The following CTNNA3 variants were observed in gnomAD, a reference collection of about 807,000 sequenced individuals.
The protein encoded by CTNNA3 is catenin alpha 3.
CTNNA3 carries 76 observed loss-of-function variants against 95.7 expected under a neutral mutation model. The ratio of observed to expected loss-of-function variants is 0.79; its 90% CI spans 0.66 to 0.96. The LOEUF (loss-of-function observed/expected upper bound fraction) is 0.96, where lower values mean the gene tolerates loss of function less well. Ranked by LOEUF, CTNNA3 falls within the 40% of genes least tolerant of loss-of-function variation. The pLI is 0.00. For synonymous variants in CTNNA3, 431 were observed against 374.4 expected, an observed-to-expected ratio of 1.15 and a Z score of -1.74; for missense variants, 1,191 against 1,089.8, an observed-to-expected ratio of 1.09 and a Z score of -1.31.
intron 11 of CTNNA3, among the ~76,000 whole-genome samples, chr10:66,433,331 G>A (rs1377638709): frequency 6.6e-6 from 1 of 152,054 alleles, no homozygotes; most frequent in Non-Finnish European, 1.5e-5. Flanking sequence ...ACTTTTTAAT[G>A]ATTGCCATTC....
At chr10:67,438,604 ACCT>A (rs767097609) in intron 5 of CTNNA3, among the ~76,000 whole-genome samples, 47 of 152,322 alleles carry the variant, frequency 3.1e-4, no homozygotes, top group Middle Eastern at 3.4e-3. Context: ...CAATCACAGC[ACCT>A]GGTTTTAACT....
chr10:67,695,130 T>G (rs1330193811), intron 1 of CTNNA3, among the ~76,000 whole-genome samples: 2 of 152,218 alleles, frequency 1.3e-5, no homozygotes, highest in African/African-American at 4.8e-5. Context: ...TCTAAAAAGC[T>G]AGCCACAAAC....
intron 5 of CTNNA3, among the ~76,000 whole-genome samples, chr10:67,428,371 G>A (rs1166875186): frequency 2.0e-4 from 30 of 152,048 alleles, no homozygotes; most frequent in Non-Finnish European, 2.6e-4. Flanking sequence ...TTGAAGACAC[G>A]TAAATGAACA....
chr10:67,146,625 C>T (rs115054012), intron 7 of CTNNA3, among the ~76,000 whole-genome samples: 1 of 152,142 alleles, frequency 6.6e-6, no homozygotes, highest in Non-Finnish European at 1.5e-5. Context: ...AAGGTAAGTA[C>T]AGGATTGGTG....
At chr10:67,437,598 G>A (rs1466078784) in intron 5 of CTNNA3, among the ~76,000 whole-genome samples, 1 of 151,726 alleles carries the variant, frequency 6.6e-6, no homozygotes, top group East Asian at 1.9e-4. Context: ...TATGTAACTG[G>A]CCATTTGAGT....
chr10:67,105,005 C>T (rs1017844290), intron 7 of CTNNA3, among the ~76,000 whole-genome samples: 2 of 151,892 alleles, frequency 1.3e-5, no homozygotes, highest in Non-Finnish European at 2.9e-5. Flanking sequence ...CTCCTGGTAT[C>T]TGGGTTGAAG....
At chr10:67,500,345 T>C (rs1186642991) in intron 5 of CTNNA3, among the ~76,000 whole-genome samples, 3 of 152,230 alleles carry the variant, frequency 2.0e-5, no homozygotes, top group Non-Finnish European at 4.4e-5. Context: ...GTGTTTTACT[T>C]CCAATTATGT....
At chr10:67,067,524 A>T (rs1012857939) in intron 7 of CTNNA3, among the ~76,000 whole-genome samples, 7 of 152,234 alleles carry the variant, frequency 4.6e-5, no homozygotes, top group Non-Finnish European at 2.9e-5. Flanking sequence ...ATATGTGCAT[A>T]AAAATGCTGA....
intron 12 of CTNNA3, among the ~76,000 whole-genome samples, chr10:66,323,125 G>A (rs974368486): frequency 6.6e-5 from 10 of 151,778 alleles, no homozygotes; most frequent in Admixed American, 1.3e-4. Flanking sequence ...CCACATTACG[G>A]GGTCCCTTTT....
intron 13 of CTNNA3, among the ~76,000 whole-genome samples, chr10:66,144,049 A>T (rs1485864457): frequency 6.6e-6 from 1 of 152,176 alleles, no homozygotes; most frequent in Non-Finnish European, 1.5e-5. Flanking sequence ...GCCCTGATAG[A>T]ATTCTATTTT....
rs183591663 is a variant in CTNNA3 at position 67,475,706 on chromosome 10, T to C, written c.579+46136A>G. Among the ~76,000 whole-genome samples, 1,263 of 152,356 alleles carry C rather than the reference T, an allele frequency of 8.3e-3. 12 individuals carry two copies. Among genetic ancestry groups the C allele is most frequent in the Non-Finnish European group, 0.014 (961 of 68,038 alleles). On this transcript the variant is annotated intron_variant, in intron 5 of 17. Coordinates refer to ENST00000433211, the MANE Select transcript of CTNNA3 (RefSeq NM_013266.4). Reference sequence around the variant, plus strand: ...CTCTTAATTTCAAAGATTTCTGTAATTTTGATTATTCATTATCATGACTTT... The same window carrying C: ...CTCTTAATTTCAAAGATTTCTGTAACTTTGATTATTCATTATCATGACTTT...
At chr10:66,206,130 T>C (rs926056695) in intron 13 of CTNNA3, among the ~76,000 whole-genome samples, 1 of 151,944 alleles carries the variant, frequency 6.6e-6, no homozygotes, top group African/African-American at 2.4e-5. Flanking sequence ...TTACTAGGTG[T>C]GCTCTAAATT....
At chr10:66,642,426 C>T (rs1207196473) in intron 9 of CTNNA3, among the ~76,000 whole-genome samples, 2 of 152,082 alleles carry the variant, frequency 1.3e-5, no homozygotes, top group East Asian at 3.9e-4. Flanking sequence ...TCACCCTACA[C>T]ACCAGTTGTG....
intron 7 of CTNNA3, among the ~76,000 whole-genome samples, chr10:66,894,148 T>C (rs146239489): frequency 1.2e-3 from 176 of 152,224 alleles, no homozygotes; most frequent in African/African-American, 4.1e-3. Context: ...TGGTGTCACA[T>C]GTTCTCAAAA....
At chr10:66,483,887 A>G (rs1048872142) in intron 11 of CTNNA3, among the ~76,000 whole-genome samples, 1 of 152,158 alleles carries the variant, frequency 6.6e-6, no homozygotes, top group Non-Finnish European at 1.5e-5. Context: ...AAAACTTAAA[A>G]AAATAAGATC....
intron 7 of CTNNA3, among the ~76,000 whole-genome samples, chr10:67,155,570 T>C (rs1260324713): frequency 6.6e-6 from 1 of 152,056 alleles, no homozygotes; most frequent in African/African-American, 2.4e-5. Context: ...ATTCTTCTTT[T>C]AGTTACCAAA....
At chr10:66,991,233 A>G (rs1851018830) in intron 7 of CTNNA3, among the ~76,000 whole-genome samples, 1 of 152,174 alleles carries the variant, frequency 6.6e-6, no homozygotes, top group Non-Finnish European at 1.5e-5. Flanking sequence ...TCATATTTCA[A>G]ATTAGTATAA....
chr10:66,781,845 ACT>A (rs1840547648), intron 7 of CTNNA3, among the ~76,000 whole-genome samples: 2 of 151,972 alleles, frequency 1.3e-5, no homozygotes, highest in Admixed American at 1.3e-4. Context: ...GTTCACAATA[ACT>A]CTACACACAT....
intron 12 of CTNNA3, among the ~76,000 whole-genome samples, chr10:66,335,192 AGAG>A (rs2092380619): frequency 6.6e-6 from 1 of 151,962 alleles, no homozygotes. Flanking sequence ...CCTTTAGCTC[AGAG>A]TAGTTTGATT....
Sources: gnomAD v4.1 joint callset for allele counts (sites outside exome capture counted in the v4.1 genomes callset) on GRCh38, gnomAD v4.1.1 for gene constraint, MANE v1.5 for transcripts, NCBI Gene and HGNC (gene_info 2026-07-23, HGNC 2026-07-21) for gene names.